The following SMIM21 variants were observed in gnomAD, a reference collection of about 807,000 sequenced individuals.
SMIM21 encodes the protein chromosome 18 open reading frame 62.
Under a neutral mutation model 8.6 loss-of-function variants are expected in SMIM21, and 8 were observed. That is an observed-to-expected ratio of 0.93 (90% confidence interval 0.55 to 1.68). SMIM21 has a LOEUF of 1.68. Ranked by LOEUF, SMIM21 falls within the 40% of genes most tolerant of loss-of-function variation. The pLI is 0.00. For synonymous variants in SMIM21, 43 were observed against 41.7 expected, an observed-to-expected ratio of 1.03 and a Z score of -0.12; for missense variants, 132 against 123.0, an observed-to-expected ratio of 1.07 and a Z score of -0.35.
At chr18:75,418,733 C>T in intron 2 of SMIM21, 53 bp downstream of exon 2, 1 of 1,496,340 alleles carries the variant, frequency 6.7e-7, no homozygotes, top group Non-Finnish European at 8.9e-7. Context: ...CGTTTACTCA[C>T]TTTCAAAATA....
chr18:75,413,169 A>G (rs2024601337), intron 2 of SMIM21, among the ~76,000 whole-genome samples: 1 of 152,086 alleles, frequency 6.6e-6, no homozygotes, highest in African/African-American at 2.4e-5. Context: ...TCCTGAAGAA[A>G]GTCTAAGGTG....
In SMIM21 at chr18:75,410,718, G is replaced by A. The variant is rs1296435198; in HGVS notation, c.*146C>T. On this transcript the variant is annotated 3_prime_UTR_variant, in exon 3 of 3. Coordinates refer to ENST00000579022, the MANE Select transcript of SMIM21 (RefSeq NM_001037331.3). ...ACATTATCATTGCAAAAAGTTACAC[G>A]TTCTTCATTCTCTCTGTGGAGCTCC... 19 of 1,456,722 alleles carry A rather than the reference G, an allele frequency of 1.3e-5. No individual in the cohort carries two copies. The highest frequency in any genetic ancestry group is 4.5e-5 in the South Asian group (3 of 66,062). 90.2% of individuals were successfully genotyped at this position (1,456,722 alleles called of 1,614,324 possible).
chr18:75,410,259 G>C lies in SMIM21; in HGVS notation c.*605C>G, dbSNP rs2024568740. The C allele has an allele frequency of 6.6e-6, 1 of 152,662 alleles. No individual in the cohort carries two copies. Among genetic ancestry groups the C allele is most frequent in the African/African-American group, 2.4e-5 (1 of 41,436 alleles). The allele number at this position is 152,662 out of a possible 1,614,324, so 9.5% of individuals were successfully genotyped here. A position where few individuals can be genotyped will look rare whatever the true frequency, so the allele number is the denominator to read the frequency against. On this transcript the variant is annotated 3_prime_UTR_variant, in exon 3 of 3. Coordinates refer to ENST00000579022, the MANE Select transcript of SMIM21 (RefSeq NM_001037331.3). ...TACTTGACTGAGGGTTAGTTCATTA[G>C]GTCACAATCAGTAATTGATTCTCAG...
intron 1 of SMIM21, among the ~76,000 whole-genome samples, chr18:75,426,682 A>G (rs950398884): frequency 1.3e-5 from 2 of 149,928 alleles, no homozygotes; most frequent in Non-Finnish European, 3.0e-5. Context: ...TGGAAAAAGG[A>G]AAAGGAAATA....
rs1397852068 is a variant in SMIM21 at position 75,415,140 on chromosome 18, A to C, written c.260+3646T>G. On this transcript the variant is annotated intron_variant, in intron 2 of 2. Coordinates refer to ENST00000579022, the MANE Select transcript of SMIM21 (RefSeq NM_001037331.3). ...GCTGCACCATGAACACCTCATACAG[A>C]GCTAACAAAAACACCAGAAAGGATT... Among the ~76,000 whole-genome samples, 7 of 152,092 alleles carry C rather than the reference A, an allele frequency of 4.6e-5. No individual in the cohort carries two copies. The East Asian group carries it at 1.4e-3, about 29-fold the overall frequency.
At chr18:75,425,537 C>A (rs7228890) in intron 1 of SMIM21, among the ~76,000 whole-genome samples, 40,347 of 152,150 alleles carry the variant, frequency 0.27, 6,400 homozygotes, top group Middle Eastern at 0.37. Flanking sequence ...CATTTTCCTA[C>A]TGGCTACAGA....
chr18:75,421,154 A>G (rs556310920), intron 1 of SMIM21, among the ~76,000 whole-genome samples: 2 of 152,314 alleles, frequency 1.3e-5, no homozygotes, highest in South Asian at 4.1e-4. Context: ...ACAAATACAA[A>G]ACAAAAACCA....
chr18:75,424,917 C>T (rs1387974238), intron 1 of SMIM21, among the ~76,000 whole-genome samples: 3 of 152,212 alleles, frequency 2.0e-5, no homozygotes, highest in Admixed American at 2.0e-4. Context: ...TTTAAAGCTT[C>T]TGCTCAGATG....
At chr18:75,414,952 A>C (rs2144547936) in intron 2 of SMIM21, among the ~76,000 whole-genome samples, 1 of 152,276 alleles carries the variant, frequency 6.6e-6, no homozygotes, top group South Asian at 2.1e-4. Flanking sequence ...TCAGTTTATA[A>C]AATGTGTTTG....
intron 1 of SMIM21, among the ~76,000 whole-genome samples, chr18:75,426,284 T>C (rs1289204059): frequency 7.0e-6 from 1 of 142,182 alleles, no homozygotes; most frequent in Non-Finnish European, 1.6e-5. Flanking sequence ...ATTACTTTTA[T>C]TTATTTATTT....
Position 75,410,263 on chromosome 18 carries a change from A to G in SMIM21, c.*601T>C, listed in dbSNP as rs1369497409. 6.5e-6 allele frequency: 1 copy of G among 152,732 alleles called. No individual in the cohort carries two copies. The highest frequency in any genetic ancestry group is 1.5e-5 in the Non-Finnish European group (1 of 68,126). The allele number at this position is 152,732 out of a possible 1,614,324, so 9.5% of individuals were successfully genotyped here. A position where few individuals can be genotyped will look rare whatever the true frequency, so the allele number is the denominator to read the frequency against. On this transcript the variant is annotated 3_prime_UTR_variant, in exon 3 of 3. Coordinates refer to ENST00000579022, the MANE Select transcript of SMIM21 (RefSeq NM_001037331.3). Reference sequence around the variant, plus strand: ...TGACTGAGGGTTAGTTCATTAGGTCACAATCAGTAATTGATTCTCAGTGTG... The same window carrying G: ...TGACTGAGGGTTAGTTCATTAGGTCGCAATCAGTAATTGATTCTCAGTGTG...
Position 75,410,530 on chromosome 18 carries a change from A to T in SMIM21, c.*334T>A, listed in dbSNP as rs1222005375. 3.0e-6 allele frequency: 1 copy of T among 334,808 alleles called. No individual in the cohort carries two copies. Among genetic ancestry groups the T allele is most frequent in the Non-Finnish European group, 5.3e-6 (1 of 188,930 alleles). 20.7% of individuals were successfully genotyped at this position (334,808 alleles called of 1,614,324 possible). On this transcript the variant is annotated 3_prime_UTR_variant, in exon 3 of 3. Coordinates refer to ENST00000579022, the MANE Select transcript of SMIM21 (RefSeq NM_001037331.3). ...AAGGAAAAAGTTACAGCAGCAATTGAAAATATGACTACAGGCTTGATGTCC... is the reference window on the plus strand; with the variant it reads ...AAGGAAAAAGTTACAGCAGCAATTGTAAATATGACTACAGGCTTGATGTCC...
At chr18:75,424,264 G>A (rs1379995730) in intron 1 of SMIM21, among the ~76,000 whole-genome samples, 8 of 152,084 alleles carry the variant, frequency 5.3e-5, no homozygotes, top group Non-Finnish European at 1.0e-4. Flanking sequence ...TTTTATTACG[G>A]GTGTCCACGT....
At chr18:75,415,702 T>C (rs2024636771) in intron 2 of SMIM21, among the ~76,000 whole-genome samples, 1 of 152,240 alleles carries the variant, frequency 6.6e-6, no homozygotes, top group Non-Finnish European at 1.5e-5. Context: ...CCATCAATCA[T>C]CTGCTTATTC....
chr18:75,423,225 T>C (rs950827029), intron 1 of SMIM21, among the ~76,000 whole-genome samples: 9 of 152,230 alleles, frequency 5.9e-5, no homozygotes, highest in Non-Finnish European at 1.5e-5. Flanking sequence ...GGTTCAAGGT[T>C]GAAGTGTTTC....
rs150399683 is a variant in SMIM21, at chr18:75,414,122, T to TACACAC, written c.261-3219_261-3214dup. 1.5e-4 allele frequency among the ~76,000 whole-genome samples: 22 copies of TACACAC among 145,452 alleles called. 1 individual carries two copies. The highest frequency in any genetic ancestry group is 2.8e-4 in the Admixed American group (4 of 14,486). On this transcript the variant is annotated intron_variant, in intron 2 of 2. Transcript: ENST00000579022. ...ATACACACACACACACACACACACA[T>TACACAC]ACACACACACACACACACAGTCATT...
intron 1 of SMIM21, among the ~76,000 whole-genome samples, chr18:75,423,018 A>G (rs1285194358): frequency 6.6e-6 from 1 of 152,226 alleles, no homozygotes; most frequent in Non-Finnish European, 1.5e-5. Context: ...GGACTTGAGA[A>G]TTCAGTAAAA....
intron 2 of SMIM21, chr18:75,417,570 A>C (rs1167833803): frequency 6.6e-6 from 1 of 152,204 alleles, no homozygotes; most frequent in Non-Finnish European, 1.5e-5. Context: ...TGTACAGACT[A>C]GTTAGCAGTA....
intron 1 of SMIM21, 140 bp from the exon 2 acceptor site, chr18:75,419,056 G>A (rs1370073028): frequency 4.0e-6 from 2 of 504,048 alleles, no homozygotes; most frequent in Non-Finnish European, 6.9e-6. Flanking sequence ...TGTTTCAGAA[G>A]TAAAACCAGA....
Sources: allele counts gnomAD v4.1 joint callset (sites outside exome capture counted in the v4.1 genomes callset), GRCh38; gene constraint gnomAD v4.1.1; transcripts MANE v1.5; gene names NCBI Gene and HGNC (gene_info 2026-07-23, HGNC 2026-07-21).